Variants in PPARGC1A observed in about 807,000 individuals in gnomAD.
The protein encoded by PPARGC1A is PPARG coactivator 1 alpha.
PPARGC1A carries 25 observed loss-of-function variants against 88.7 expected under a neutral mutation model. The observed-to-expected ratio is 0.28, with a 90% confidence interval of 0.21 to 0.39. The LOEUF is 0.39. Among genes scored for constraint, PPARGC1A ranks in the 10% least tolerant of loss-of-function variants. The pLI, the probability that PPARGC1A is intolerant of heterozygous loss-of-function variation, is 1.00. For missense variants in PPARGC1A, 880 were observed against 968.7 expected, an observed-to-expected ratio of 0.91 and a Z score of 1.22; for synonymous variants, 363 against 355.6, an observed-to-expected ratio of 1.02 and a Z score of -0.24.
At chr4:24,308,190 G>A in the PPARGC1A span, among the ~76,000 whole-genome samples, 4 of 150,252 alleles carry the variant, frequency 2.7e-5, no homozygotes, top group Non-Finnish European at 5.9e-5. Context: ...TACTGGGAAG[G>A]CTGAGGCAGG....
chr4:23,956,848 C>A, the PPARGC1A span, among the ~76,000 whole-genome samples: 2 of 152,046 alleles, frequency 1.3e-5, no homozygotes, highest in African/African-American at 4.8e-5. Context: ...ATCATTGTAA[C>A]CATAGCCACA....
chr4:23,907,111 C>G (rs1373499035), upstream of PPARGC1A, among the ~76,000 whole-genome samples: 1 of 152,108 alleles, frequency 6.6e-6, no homozygotes. Flanking sequence ...TATCTTTACA[C>G]TTTCTGGAGC....
chr4:24,340,162 G>C, the PPARGC1A span, among the ~76,000 whole-genome samples: 1 of 152,158 alleles, frequency 6.6e-6, no homozygotes, highest in South Asian at 2.1e-4. Flanking sequence ...TTAAAATGTA[G>C]TCATGAATAG....
At chr4:24,096,646 A>G in the PPARGC1A span, among the ~76,000 whole-genome samples, 2 of 152,290 alleles carry the variant, frequency 1.3e-5, no homozygotes, top group Non-Finnish European at 2.9e-5. Flanking sequence ...TAAACAACAC[A>G]CTTTCAGTAC....
chr4:24,471,990 GC>G, the PPARGC1A span, among the ~76,000 whole-genome samples: 141 of 152,334 alleles, frequency 9.3e-4, no homozygotes, highest in Non-Finnish European at 1.4e-3. The surrounding 1 kb of genome is among the most constrained non-coding windows in gnomAD (Gnocchi z 5.4). Flanking sequence ...GCGGGTAGGC[GC>G]CGGGCGCACA....
chr4:24,160,967 T>C, the PPARGC1A span, among the ~76,000 whole-genome samples: 1 of 152,136 alleles, frequency 6.6e-6, no homozygotes, highest in Non-Finnish European at 1.5e-5. Flanking sequence ...ATCACTCTGT[T>C]TTATTCTGAG....
the PPARGC1A span, among the ~76,000 whole-genome samples, chr4:24,337,746 C>T: frequency 6.0e-5 from 9 of 150,614 alleles, no homozygotes; most frequent in Admixed American, 1.3e-4. Flanking sequence ...TCCCAGATCA[C>T]ACAGCTAAGA....
At chr4:24,155,598 CA>C in the PPARGC1A span, among the ~76,000 whole-genome samples, 10,469 of 139,242 alleles carry the variant, frequency 0.075, 950 homozygotes, top group African/African-American at 0.22. Flanking sequence ...AAAACCCTGT[CA>C]AAAAAAAAAA....
the PPARGC1A span, among the ~76,000 whole-genome samples, chr4:24,115,869 TC>T: frequency 6.6e-6 from 1 of 152,186 alleles, no homozygotes; most frequent in Non-Finnish European, 1.5e-5. Flanking sequence ...GCTTTGGGCT[TC>T]ACTTTACATT....
At chr4:24,167,659 C>T in the PPARGC1A span, among the ~76,000 whole-genome samples, 4 of 152,120 alleles carry the variant, frequency 2.6e-5, no homozygotes, top group African/African-American at 4.8e-5. Context: ...TATCAACATC[C>T]GGGCAAAACC....
At chr4:24,028,270 T>C in the PPARGC1A span, among the ~76,000 whole-genome samples, 1 of 151,990 alleles carries the variant, frequency 6.6e-6, no homozygotes, top group African/African-American at 2.4e-5. Flanking sequence ...TTTCATAGAA[T>C]AAGAAAACTG....
chr4:23,953,175 T>C, the PPARGC1A span, among the ~76,000 whole-genome samples: 2 of 152,138 alleles, frequency 1.3e-5, no homozygotes, highest in African/African-American at 4.8e-5. Flanking sequence ...TCCAAGCTGA[T>C]CACAAGCTAA....
the PPARGC1A span, among the ~76,000 whole-genome samples, chr4:24,299,530 C>T: frequency 3.3e-5 from 5 of 151,572 alleles, no homozygotes; most frequent in South Asian, 2.1e-4. Context: ...TTAAGCGTCT[C>T]GTGCAGCCCT....
chr4:24,436,953 G>A, the PPARGC1A span, among the ~76,000 whole-genome samples: 3 of 151,510 alleles, frequency 2.0e-5, no homozygotes, highest in African/African-American at 7.4e-5. Flanking sequence ...ACCCAGGAGT[G>A]TCTGGCGGGC....
chr4:23,853,158 T>C (rs1292771889), intron 2 of PPARGC1A, among the ~76,000 whole-genome samples: 1 of 152,110 alleles, frequency 6.6e-6, no homozygotes, highest in Non-Finnish European at 1.5e-5. Flanking sequence ...GAAAGCAAAA[T>C]ACAATCAAAA....
At chr4:23,965,102 C>T in the PPARGC1A span, among the ~76,000 whole-genome samples, 1 of 152,136 alleles carries the variant, frequency 6.6e-6, no homozygotes, top group Non-Finnish European at 1.5e-5. Flanking sequence ...GGACCATCCC[C>T]CGTATCTGAC....
At chr4:24,084,034 G>A in the PPARGC1A span, among the ~76,000 whole-genome samples, 1 of 152,184 alleles carries the variant, frequency 6.6e-6, no homozygotes, top group African/African-American at 2.4e-5. Context: ...GCAAGTTTAA[G>A]TAACATGCTC....
chr4:24,151,496 G>A, the PPARGC1A span, among the ~76,000 whole-genome samples: 1 of 152,114 alleles, frequency 6.6e-6, no homozygotes, highest in Admixed American at 6.6e-5. Context: ...CCATCACACC[G>A]GGGGTTAGGG....
the PPARGC1A span, among the ~76,000 whole-genome samples, chr4:24,122,399 G>GTGTT: frequency 7.3e-6 from 1 of 137,390 alleles, no homozygotes; most frequent in Non-Finnish European, 1.6e-5. Context: ...GTGTGTGTGT[G>GTGTT]TGTGTGTGTG....
Sources: gnomAD v4.1 joint callset for allele counts (sites outside exome capture counted in the v4.1 genomes callset) on GRCh38, gnomAD v4.1.1 for gene constraint, Gnocchi (gnomAD v3.1) non-coding constraint, MANE v1.5 for transcripts, NCBI Gene and HGNC (gene_info 2026-07-23, HGNC 2026-07-21) for gene names.